RERG: variants seen among roughly 807,000 people sequenced by gnomAD.
The protein encoded by RERG is ras-related and estrogen-regulated growth inhibitor.
Under a neutral mutation model 23.2 loss-of-function variants are expected in RERG, and 25 were observed. The ratio of observed to expected loss-of-function variants is 1.08; its 90% CI spans 0.79 to 1.50. The LOEUF (loss-of-function observed/expected upper bound fraction) is 1.50, where lower values mean the gene tolerates loss of function less well. Among genes scored for constraint, RERG ranks in the 40% most tolerant of loss-of-function variants. The pLI, the probability that RERG is intolerant of heterozygous loss-of-function variation, is 0.00. For synonymous variants in RERG, 81 were observed against 89.1 expected, an observed-to-expected ratio of 0.91 and a Z score of 0.51; for missense variants, 253 against 250.1, an observed-to-expected ratio of 1.01 and a Z score of -0.08.
chr12:15,178,297 G>A (rs905534674), intron 2 of RERG, among the ~76,000 whole-genome samples: 1 of 151,884 alleles, frequency 6.6e-6, no homozygotes, highest in Admixed American at 6.6e-5. Flanking sequence ...ACTTAAAATG[G>A]CAGCATTGAG....
intron 2 of RERG, among the ~76,000 whole-genome samples, chr12:15,181,785 GA>G (rs139685948): frequency 0.01 from 1,543 of 152,250 alleles, 27 homozygotes; most frequent in African/African-American, 0.035. Context: ...GATGAGGAGA[GA>G]GTAAAGAATG....
At chr12:15,207,136 T>C (rs1181302863) in intron 2 of RERG, among the ~76,000 whole-genome samples, 1 of 152,154 alleles carries the variant, frequency 6.6e-6, no homozygotes, top group Non-Finnish European at 1.5e-5. Flanking sequence ...CACTAGAATT[T>C]CTCATCGTTT....
chr12:15,170,444 TTA>T (rs1864761771), intron 2 of RERG, among the ~76,000 whole-genome samples: 9 of 152,062 alleles, frequency 5.9e-5, no homozygotes, highest in African/African-American at 2.2e-4. Context: ...GAGTGCTTTT[TTA>T]AAAAAAAGAA....
chr12:15,124,150 A>G (rs1232007751), intron 2 of RERG, among the ~76,000 whole-genome samples: 1 of 152,162 alleles, frequency 6.6e-6, no homozygotes, highest in African/African-American at 2.4e-5. Context: ...AAGTCACTTA[A>G]TGTAATCATT....
At chr12:15,158,420 T>A (rs963789388) in intron 2 of RERG, among the ~76,000 whole-genome samples, 1 of 152,094 alleles carries the variant, frequency 6.6e-6, no homozygotes, top group South Asian at 2.1e-4. Flanking sequence ...TAGCTAGGAT[T>A]ACAGGCACAC....
intron 2 of RERG, among the ~76,000 whole-genome samples, chr12:15,211,880 C>T (rs1410976277): frequency 2.0e-5 from 3 of 151,798 alleles, no homozygotes; most frequent in Non-Finnish European, 4.4e-5. Flanking sequence ...AATAATGCTC[C>T]AAAAGTTTAA....
chr12:15,143,479 G>A (rs1209095345), intron 2 of RERG, among the ~76,000 whole-genome samples: 4 of 151,914 alleles, frequency 2.6e-5, no homozygotes, highest in Admixed American at 6.6e-5. Flanking sequence ...ACTGCTCATA[G>A]ATTTAAGCCA....
intron 2 of RERG, among the ~76,000 whole-genome samples, chr12:15,159,890 T>C (rs1591652554): frequency 6.6e-6 from 1 of 152,156 alleles, no homozygotes; most frequent in Non-Finnish European, 1.5e-5. Flanking sequence ...CAAATTTATC[T>C]TCCAAACAAT....
In RERG at chr12:15,108,876, A is replaced by G; in HGVS notation, c.*234T>C. On this transcript the variant is annotated 3_prime_UTR_variant, in exon 5 of 5. Coordinates refer to ENST00000256953, the MANE Select transcript of RERG (RefSeq NM_032918.3). ...TCATTTCAGAATCTCTGGTGATTACATGTTCAAATGCCATTAGAGTGTATC... is the reference window on the plus strand; with the variant it reads ...TCATTTCAGAATCTCTGGTGATTACGTGTTCAAATGCCATTAGAGTGTATC... 2.4e-6 allele frequency: 1 copy of G among 413,994 alleles called. No individual in the cohort carries two copies. Among genetic ancestry groups the G allele is most frequent in the African/African-American group, 2.0e-5 (1 of 49,078 alleles). 25.6% of individuals were successfully genotyped at this position (413,994 alleles called of 1,614,324 possible).
At chr12:15,169,920 ATGTGTGTG>A (rs61079713) in intron 2 of RERG, among the ~76,000 whole-genome samples, 2,484 of 137,668 alleles carry the variant, frequency 0.018, 69 homozygotes, top group African/African-American at 0.059. Context: ...TCTGCTAAAA[ATGTGTGTG>A]TGTGTGTGTG....
chr12:15,220,579 G>A lies in RERG; in HGVS notation c.-115+616C>T, dbSNP rs1865499446. Among the ~76,000 whole-genome samples the A allele has an allele frequency of 3.3e-5, 5 of 151,976 alleles. No individual in the cohort carries two copies. In the South Asian group the frequency reaches 1.0e-3, roughly 32 times the overall value. ...TCATTCCTAATAAATCATTCTCAAG[G>A]CTATATTTATCAAGGTTCATGCTTT... On this transcript the variant is annotated intron_variant, in intron 1 of 4. Coordinates refer to ENST00000256953, the MANE Select transcript of RERG (RefSeq NM_032918.3).
chr12:15,211,668 CAG>C (rs1438602930), intron 2 of RERG, among the ~76,000 whole-genome samples: 1 of 152,148 alleles, frequency 6.6e-6, no homozygotes, highest in African/African-American at 2.4e-5. Flanking sequence ...AAATTGCTAA[CAG>C]AGAGGATTTT....
chr12:15,108,227 T>C lies in RERG; in HGVS notation c.*883A>G, dbSNP rs1265475735. ...CTGGCTCAAAGTCTAGACTTCCCAA[T>C]GGAGGCATGGTTAAGCTCCATTCTT... On this transcript the variant is annotated 3_prime_UTR_variant, in exon 5 of 5. Coordinates refer to ENST00000256953, the MANE Select transcript of RERG (RefSeq NM_032918.3). The C allele has an allele frequency of 6.6e-6, 1 of 152,230 alleles. No homozygotes were observed. Among genetic ancestry groups the C allele is most frequent in the Non-Finnish European group, 1.5e-5 (1 of 68,016 alleles). The allele number at this position is 152,230 out of a possible 1,614,324, so 9.4% of individuals were successfully genotyped here.
chr12:15,218,640 C>T (rs1865474869), intron 1 of RERG, among the ~76,000 whole-genome samples: 1 of 151,888 alleles, frequency 6.6e-6, no homozygotes, highest in Non-Finnish European at 1.5e-5. Context: ...ACTCATTTGT[C>T]CTCATTTCTC....
At chr12:15,129,654 A>G (rs1357798104) in intron 2 of RERG, among the ~76,000 whole-genome samples, 1 of 152,054 alleles carries the variant, frequency 6.6e-6, no homozygotes, top group Non-Finnish European at 1.5e-5. Context: ...TCAAGCAGAG[A>G]GAAGGGGCCA....
At chr12:15,204,584 TA>T (rs1353432363) in intron 2 of RERG, among the ~76,000 whole-genome samples, 3 of 151,700 alleles carry the variant, frequency 2.0e-5, no homozygotes, top group Admixed American at 1.3e-4. Flanking sequence ...ATACAATAAA[TA>T]AGAGGAAAAG....
At chr12:15,111,541 G>T in intron 3 of RERG, 124 bp from the exon 4 acceptor site, 1 of 697,882 alleles carries the variant, frequency 1.4e-6, no homozygotes. Flanking sequence ...GAACTGTGTA[G>T]TCTAGGAAAG....
At chr12:15,207,036 T>C (rs1865301376) in intron 2 of RERG, among the ~76,000 whole-genome samples, 2 of 152,168 alleles carry the variant, frequency 1.3e-5, no homozygotes, top group Admixed American at 1.3e-4. Flanking sequence ...ACAGAAGTAA[T>C]GTGATACAGT....
intron 2 of RERG, among the ~76,000 whole-genome samples, chr12:15,126,128 C>CATATAAATATATATAT (rs1863933884): frequency 1.1e-5 from 1 of 89,094 alleles, no homozygotes. Context: ...TTGTATATAC[C>CATATAAATATATATAT]ATATATATAT....
Sources: allele counts gnomAD v4.1 joint callset (sites outside exome capture counted in the v4.1 genomes callset), GRCh38; gene constraint gnomAD v4.1.1; transcripts MANE v1.5; gene names NCBI Gene and HGNC (gene_info 2026-07-23, HGNC 2026-07-21).